The following TMEM178B variants were observed in gnomAD, a reference collection of about 807,000 sequenced individuals.
The protein encoded by TMEM178B is transmembrane protein 178B.
In TMEM178B, 5 loss-of-function variants were observed where a neutral mutation model predicts 31.0. The ratio of observed to expected loss-of-function variants is 0.16; its 90% CI spans 0.08 to 0.34. TMEM178B has a LOEUF of 0.34. Ranked by LOEUF, TMEM178B falls within the 10% of genes least tolerant of loss-of-function variation. The pLI is 1.00. For missense variants in TMEM178B, 275 were observed against 400.3 expected (o/e 0.69, Z 2.67); for synonymous variants, 164 against 164.0 (o/e 1.00, Z 0.00).
At chr7:141,441,631 G>A (rs1586962867) in intron 3 of TMEM178B, among the ~76,000 whole-genome samples, 1 of 152,318 alleles carries the variant, frequency 6.6e-6, no homozygotes, top group Non-Finnish European at 1.5e-5. Context: ...GGTACAGCAG[G>A]AAGAGGCAGC....
rs555140129 is a variant in TMEM178B, at chr7:141,321,355, G to A, written c.496+108651G>A. On this transcript the variant is annotated intron_variant, in intron 2 of 3. Transcript: ENST00000565468. ...CAGGCATGGGCATCGTTTTCCTAAC[G>A]TGTCAACACCTGTGTGCACAGTAGG... Among the ~76,000 whole-genome samples the A allele has an allele frequency of 6.6e-4, 100 of 152,294 alleles. 1 individual carries two copies. In the South Asian group the frequency reaches 0.02, roughly 30 times the overall value.
At chr7:141,239,549 C>T (rs550227319) in intron 2 of TMEM178B, among the ~76,000 whole-genome samples, 116 of 152,268 alleles carry the variant, frequency 7.6e-4, no homozygotes, top group Non-Finnish European at 2.1e-4. Context: ...ATTGATTCCC[C>T]GGGTGGAACT....
At chr7:141,187,916 T>C (rs1262196090) in intron 1 of TMEM178B, among the ~76,000 whole-genome samples, 2 of 152,228 alleles carry the variant, frequency 1.3e-5, no homozygotes, top group Non-Finnish European at 2.9e-5. Context: ...GATGATAGTT[T>C]CTTTTGCTGT....
chr7:141,105,586 A>G (rs1795130892), intron 1 of TMEM178B, among the ~76,000 whole-genome samples: 2 of 152,134 alleles, frequency 1.3e-5, no homozygotes, highest in African/African-American at 4.8e-5. Flanking sequence ...CATTAATATC[A>G]TTTTCATTAA....
intron 1 of TMEM178B, among the ~76,000 whole-genome samples, chr7:141,188,470 C>T (rs2129184716): frequency 6.6e-6 from 1 of 152,294 alleles, no homozygotes; most frequent in South Asian, 2.1e-4. Flanking sequence ...TGCGTAACTG[C>T]TCTTATTGGA....
chr7:141,263,484 ATATTGTACATG>A (rs1433374600), intron 2 of TMEM178B, among the ~76,000 whole-genome samples: 1 of 152,158 alleles, frequency 6.6e-6, no homozygotes, highest in Non-Finnish European at 1.5e-5. Flanking sequence ...GACCTCTCCC[ATATTGTACATG>A]GAGGTCAGAG....
chr7:141,301,900 C>T (rs909276970), intron 2 of TMEM178B, among the ~76,000 whole-genome samples: 2 of 152,076 alleles, frequency 1.3e-5, no homozygotes, highest in Non-Finnish European at 2.9e-5. Context: ...CTCCTGGGTT[C>T]GAGGCTGTGA....
chr7:141,503,143 C>A, the TMEM178B span, among the ~76,000 whole-genome samples: 1 of 152,144 alleles, frequency 6.6e-6, no homozygotes, highest in Non-Finnish European at 1.5e-5. Flanking sequence ...TGGAAGGTTG[C>A]CCATTGAATA....
chr7:141,458,821 G>A (rs571012124), intron 3 of TMEM178B, among the ~76,000 whole-genome samples: 5 of 152,340 alleles, frequency 3.3e-5, no homozygotes, highest in East Asian at 3.9e-4. Context: ...AATCCAAGGT[G>A]TCCATTGAAA....
intron 2 of TMEM178B, among the ~76,000 whole-genome samples, chr7:141,412,446 A>G (rs571613872): frequency 1.3e-5 from 2 of 152,222 alleles, no homozygotes; most frequent in Non-Finnish European, 2.9e-5. Flanking sequence ...TCAGAAGAGA[A>G]GCAGCATGAC....
intron 2 of TMEM178B, among the ~76,000 whole-genome samples, chr7:141,264,630 G>T (rs1213143225): frequency 6.6e-6 from 1 of 151,770 alleles, no homozygotes; most frequent in African/African-American, 2.4e-5. Flanking sequence ...TACTGTTCTA[G>T]GTTGTGATTT....
intron 2 of TMEM178B, among the ~76,000 whole-genome samples, chr7:141,330,752 C>A (rs6975836): frequency 0.094 from 14,295 of 152,190 alleles, 1,446 homozygotes; most frequent in African/African-American, 0.26. Flanking sequence ...CCAACTTGTA[C>A]TTTTAACAGG....
chr7:141,468,822 C>T (rs1328689384), intron 3 of TMEM178B, among the ~76,000 whole-genome samples: 1 of 152,158 alleles, frequency 6.6e-6, no homozygotes, highest in Non-Finnish European at 1.5e-5. Flanking sequence ...GTGGGACTTC[C>T]AGTCTGTGGC....
At chr7:141,199,407 A>T (rs1796839172) in intron 1 of TMEM178B, among the ~76,000 whole-genome samples, 1 of 152,252 alleles carries the variant, frequency 6.6e-6, no homozygotes, top group Non-Finnish European at 1.5e-5. Flanking sequence ...GAACCTGGTT[A>T]GCAAATGCAA....
intron 2 of TMEM178B, among the ~76,000 whole-genome samples, chr7:141,278,309 C>T (rs149291152): frequency 3.6e-4 from 55 of 152,322 alleles, no homozygotes; most frequent in African/African-American, 1.3e-3. Flanking sequence ...GGGCTGGGCA[C>T]GGTGGCTCGC....
chr7:141,187,531 T>A (rs547912483), intron 1 of TMEM178B, among the ~76,000 whole-genome samples: 2,365 of 152,244 alleles, frequency 0.016, 62 homozygotes, highest in African/African-American at 0.054. Context: ...ACTTCCACAA[T>A]GGTTGAACTA....
intron 2 of TMEM178B, among the ~76,000 whole-genome samples, chr7:141,304,942 C>T (rs927434419): frequency 2.6e-5 from 4 of 152,144 alleles, no homozygotes; most frequent in Admixed American, 6.5e-5. Flanking sequence ...CTTTTCACAC[C>T]GCTTGCATCT....
chr7:141,460,793 C>T (rs897022186), intron 3 of TMEM178B, among the ~76,000 whole-genome samples: 9 of 152,162 alleles, frequency 5.9e-5, no homozygotes, highest in Non-Finnish European at 1.2e-4. Context: ...GGAGTCTTTG[C>T]ACAGCTTGCA....
chr7:141,481,496 C>T (rs1319110010), downstream of TMEM178B, among the ~76,000 whole-genome samples: 6 of 152,126 alleles, frequency 3.9e-5, no homozygotes, highest in Non-Finnish European at 8.8e-5. Context: ...TAAACCATGA[C>T]AGTGATTAGT....
Sources: allele counts gnomAD v4.1 joint callset (sites outside exome capture counted in the v4.1 genomes callset), GRCh38; gene constraint gnomAD v4.1.1; transcripts MANE v1.5; gene names NCBI Gene and HGNC (gene_info 2026-07-23, HGNC 2026-07-21).